Variants in OSBPL5 observed in about 807,000 individuals in gnomAD.
OSBPL5 encodes the protein oxysterol-binding protein-related protein 5.
OSBPL5 carries 71 observed loss-of-function variants against 111.2 expected under a neutral mutation model. That is an observed-to-expected ratio of 0.64 (90% CI 0.53 to 0.78). OSBPL5 has a LOEUF of 0.78. Among genes scored for constraint, OSBPL5 ranks in the 30% least tolerant of loss-of-function variants. The pLI is 0.00. For synonymous variants in OSBPL5, 549 were observed against 513.9 expected (o/e 1.07, Z -0.93); for missense variants, 1,210 against 1,189.3 (o/e 1.02, Z -0.26).
At chr11:3,120,131 C>T (rs991361790) in intron 6 of OSBPL5, 3 of 539,394 alleles carry the variant, frequency 5.6e-6, no homozygotes, top group Non-Finnish European at 1.0e-5. Context: ...GGCGCTGTTC[C>T]TCGGCCACCC....
At position 3,106,763 on chromosome 11, in the gene OSBPL5, A is replaced by G. The variant is rs868780193; in HGVS notation, c.1059+500T>C. 6.6e-6 allele frequency among the ~76,000 whole-genome samples: 1 copy of G among 151,884 alleles called. No individual in the cohort carries two copies. Among genetic ancestry groups the G allele is most frequent in the Non-Finnish European group, 1.5e-5 (1 of 67,982 alleles). On this transcript the variant is annotated intron_variant, in intron 9 of 21. Coordinates refer to ENST00000263650, the MANE Select transcript of OSBPL5 (RefSeq NM_020896.4). The surrounding 1 kb of genome is among the most constrained non-coding windows in gnomAD (Gnocchi z 8.4). ...CTCCTCTTGTGTTTGTGGGTTTATC[A>G]TCTATGTTTCCTGCTGCCCATACAC...
chr11:3,108,595 C>G (rs1366104421), intron 7 of OSBPL5, among the ~76,000 whole-genome samples: 1 of 152,210 alleles, frequency 6.6e-6, no homozygotes, highest in Non-Finnish European at 1.5e-5. Context: ...AAGCCCCACT[C>G]TGGGCCCTGT....
Position 3,154,910 on chromosome 11 carries a change from T to TATAATAATA in OSBPL5, c.-22+10297_-22+10305dup, listed in dbSNP as rs111640193. ...TGCACATGTACCCTAGAACTTAAAG[T>TATAATAATA]ATAATAATAATAATAATAATAAAAA... On this transcript the variant is annotated intron_variant, in intron 1 of 21. Coordinates refer to ENST00000263650, the MANE Select transcript of OSBPL5 (RefSeq NM_020896.4). This position sits in a 1 kb window ranked among gnomAD's most constrained non-coding sequence, Gnocchi z 4.9. 0.012 allele frequency among the ~76,000 whole-genome samples: 1,845 copies of TATAATAATA among 150,960 alleles called. 40 individuals are homozygous for TATAATAATA. The highest frequency in any genetic ancestry group is 0.1 in the East Asian group (529 of 5,124).
intron 1 of OSBPL5, among the ~76,000 whole-genome samples, chr11:3,153,703 G>A (rs150756336): frequency 6.6e-6 from 1 of 152,270 alleles, no homozygotes; most frequent in Non-Finnish European, 1.5e-5. Context: ...TTATTCCTGA[G>A]GTCATTCGTT....
In OSBPL5 at chr11:3,121,197, A is replaced by G. The variant is rs1342751142; in HGVS notation, c.403-573T>C. Among the ~76,000 whole-genome samples, 1 of 151,516 alleles carries G rather than the reference A, an allele frequency of 6.6e-6. No individual in the cohort carries two copies. The highest frequency in any genetic ancestry group is 1.5e-5 in the Non-Finnish European group (1 of 67,962). ...CTCAGCCGCCCGAGTAGCTGGGATT[A>G]CAGGCGCCCGCCACCATGCCTGGCT... On this transcript the variant is annotated intron_variant, in intron 5 of 21. Coordinates refer to ENST00000263650, the MANE Select transcript of OSBPL5 (RefSeq NM_020896.4). This position sits in a 1 kb window ranked among gnomAD's most constrained non-coding sequence, Gnocchi z 4.3.
At position 3,088,194 on chromosome 11, in the gene OSBPL5, C is replaced by T; in HGVS notation, c.*11G>A. 1 of 1,569,642 alleles carries T rather than the reference C, an allele frequency of 6.4e-7. No individual in the cohort carries two copies. Among genetic ancestry groups the T allele is most frequent in the South Asian group, 1.2e-5 (1 of 83,852 alleles). Reference sequence around the variant, plus strand: ...GCTCAGGACCGGCCAGGAGCTCTGCCCTCAGGGCTCCTATTTGAGGATGTG... The same window carrying T: ...GCTCAGGACCGGCCAGGAGCTCTGCTCTCAGGGCTCCTATTTGAGGATGTG... On this transcript the variant is annotated 3_prime_UTR_variant, in exon 22 of 22. Transcript: ENST00000263650.
chr11:3,108,278 AC>A (rs1857783931), intron 7 of OSBPL5, among the ~76,000 whole-genome samples: 1 of 151,120 alleles, frequency 6.6e-6, no homozygotes. Context: ...CACCTCCACC[AC>A]CCACATTGCT....
chr11:3,112,057 A>ACG (rs1857990742), intron 7 of OSBPL5, among the ~76,000 whole-genome samples: 4 of 118,164 alleles, frequency 3.4e-5, no homozygotes, highest in African/African-American at 1.5e-4. Context: ...ATGTGTGTGC[A>ACG]TGTGTATGTG....
At chr11:3,148,841 A>G (rs1315928540) in intron 1 of OSBPL5, among the ~76,000 whole-genome samples, 1 of 152,238 alleles carries the variant, frequency 6.6e-6, no homozygotes, top group Admixed American at 6.5e-5. Flanking sequence ...AGAGGCTCAA[A>G]CAGGTGAAAA....
chr11:3,115,147 A>G (rs1170298348), intron 7 of OSBPL5, among the ~76,000 whole-genome samples: 4 of 152,116 alleles, frequency 2.6e-5, no homozygotes, highest in African/African-American at 7.2e-5. Flanking sequence ...TCTTAAAGAA[A>G]ATGTTTTCTT....
At position 3,094,346 on chromosome 11, in the gene OSBPL5, C is replaced by T. The variant is rs1444245462; in HGVS notation, c.1622-12G>A. ...GCCATACAGGATTCCTGAAATGCAG[C>T]CAGTGTCAGGGGCCAGGCGGCCCCA... On this transcript the variant is annotated splice_polypyrimidine_tract_variant and intron_variant, in intron 14 of 21. Coordinates refer to ENST00000263650, the MANE Select transcript of OSBPL5 (RefSeq NM_020896.4). 8.1e-6 allele frequency: 13 copies of T among 1,611,376 alleles called. No homozygotes were observed. Among genetic ancestry groups the T allele is most frequent in the Non-Finnish European group, 1.0e-5 (12 of 1,178,584 alleles).
chr11:3,135,515 GC>G (rs959306413), intron 1 of OSBPL5, among the ~76,000 whole-genome samples: 20 of 151,212 alleles, frequency 1.3e-4, no homozygotes, highest in African/African-American at 4.9e-4. Flanking sequence ...AGGGATGGGT[GC>G]CCCTTCCAGG....
At chr11:3,144,053 C>A (rs1846245429) in intron 1 of OSBPL5, among the ~76,000 whole-genome samples, 1 of 152,128 alleles carries the variant, frequency 6.6e-6, no homozygotes. Flanking sequence ...CCCACTGAGC[C>A]CGGCAAACCT....
chr11:3,097,835 G>A (rs1178552983), intron 14 of OSBPL5, among the ~76,000 whole-genome samples: 1 of 152,224 alleles, frequency 6.6e-6, no homozygotes, highest in East Asian at 1.9e-4. Flanking sequence ...GGGAGGCCGA[G>A]GCAGGCGGAT....
At chr11:3,164,698 A>G (rs998240894) in intron 1 of OSBPL5, among the ~76,000 whole-genome samples, 19 of 152,136 alleles carry the variant, frequency 1.2e-4, no homozygotes, top group Admixed American at 9.8e-4. Context: ...GCGGACTCAG[A>G]CACAGCAGTC....
chr11:3,103,885 C>CCTT (rs1857600126), intron 10 of OSBPL5, among the ~76,000 whole-genome samples: 1 of 49,932 alleles, frequency 2.0e-5, no homozygotes, highest in Non-Finnish European at 4.0e-5. Flanking sequence ...CCTCTGTAGC[C>CCTT]CCATTCCTGC....
intron 1 of OSBPL5, among the ~76,000 whole-genome samples, chr11:3,147,091 C>G (rs1437797117): frequency 1.3e-5 from 2 of 151,976 alleles, no homozygotes; most frequent in African/African-American, 2.4e-5. Flanking sequence ...TCACTTTTCC[C>G]CAAGGCAGAA....
rs372641782 is a variant in OSBPL5, at chr11:3,119,538, G to A, written c.691+9C>T. 6.2e-5 allele frequency: 97 copies of A among 1,571,460 alleles called. No homozygotes were observed. The highest frequency in any genetic ancestry group is 7.8e-5 in the Non-Finnish European group (91 of 1,163,748). ...CACTGGGGAGATGCGCAAGCTGGCA[G>A]GGACTCACCATCTGACTCGGAGGCG... is the stretch of plus-strand genomic sequence containing the variant. On this transcript the variant is annotated intron_variant, in intron 7 of 21. Coordinates refer to ENST00000263650, the MANE Select transcript of OSBPL5 (RefSeq NM_020896.4).
rs928581810 is a variant in OSBPL5, at chr11:3,092,794, C to T, written c.2132+73G>A. Reference sequence around the variant, plus strand: ...TGAAGGTGAGAGGGAAGCCAGGAGCCCCTGGGCCCTTCTCAGCCCGTCTGC... The same window carrying T: ...TGAAGGTGAGAGGGAAGCCAGGAGCTCCTGGGCCCTTCTCAGCCCGTCTGC... On this transcript the variant is annotated intron_variant, in intron 18 of 21. Coordinates refer to ENST00000263650, the MANE Select transcript of OSBPL5 (RefSeq NM_020896.4). The surrounding 1 kb of genome is among the most constrained non-coding windows in gnomAD (Gnocchi z 5.4). 2.1e-6 allele frequency: 3 copies of T among 1,458,272 alleles called. No homozygotes were observed. Among genetic ancestry groups the T allele is most frequent in the African/African-American group, 2.8e-5 (2 of 70,636 alleles). The allele number at this position is 1,458,272 out of a possible 1,614,324, so 90.3% of individuals were successfully genotyped here.
Sources: gnomAD v4.1 joint callset for allele counts (sites outside exome capture counted in the v4.1 genomes callset) on GRCh38, gnomAD v4.1.1 for gene constraint, Gnocchi (gnomAD v3.1) non-coding constraint, MANE v1.5 for transcripts, NCBI Gene and HGNC (gene_info 2026-07-23, HGNC 2026-07-21) for gene names.